ACAN: variants seen among roughly 807,000 people sequenced by gnomAD.
ACAN encodes aggrecan.
In ACAN, 47 loss-of-function variants were observed where a neutral mutation model predicts 169.1. That is an observed-to-expected ratio of 0.28 (90% CI 0.22 to 0.35). ACAN has a LOEUF of 0.35. Among genes scored for constraint, ACAN ranks in the 10% least tolerant of loss-of-function variants. The pLI, the probability that ACAN is intolerant of heterozygous loss-of-function variation, is 1.00. For synonymous variants in ACAN, 1,115 were observed against 1,112.2 expected (o/e 1.00, Z -0.05); for missense variants, 2,716 against 2,759.9 (o/e 0.98, Z 0.36).
In ACAN at chr15:88,849,756, A is replaced by T. The variant is rs1444796170; in HGVS notation, c.2026+25A>T. 6.2e-7 allele frequency: 1 copy of T among 1,610,740 alleles called. No homozygotes were observed. The highest frequency in any genetic ancestry group is 1.3e-5 in the African/African-American group (1 of 74,844). ...GGTATGCAGCCTCACTTCGGCTCCA[A>T]CAGCCCCTTTTGTCTGGAGAGGACC... On this transcript the variant is annotated intron_variant, in intron 10 of 18. Transcript: ENST00000560601. The surrounding 1 kb of genome is among the most constrained non-coding windows in gnomAD (Gnocchi z 5.1).
Position 88,843,727 on chromosome 15 carries a change from G to C in ACAN, c.1051+79G>C. On this transcript the variant is annotated intron_variant, in intron 6 of 18. Transcript: ENST00000560601. This position sits in a 1 kb window ranked among gnomAD's most constrained non-coding sequence, Gnocchi z 4.0. Reference sequence around the variant, plus strand: ...AGAGGGAAGAGGGGATCTTGGAAAGGGAGGGTTGGTTTTTGCCCTTGAAGG... The same window carrying C: ...AGAGGGAAGAGGGGATCTTGGAAAGCGAGGGTTGGTTTTTGCCCTTGAAGG... 1 of 1,492,812 alleles carries C rather than the reference G, an allele frequency of 6.7e-7. No individual in the cohort carries two copies. Among genetic ancestry groups the C allele is most frequent in the African/African-American group, 1.4e-5 (1 of 71,744 alleles). 92.5% of individuals were successfully genotyped at this position (1,492,812 alleles called of 1,614,324 possible). A position where few individuals can be genotyped will look rare whatever the true frequency, so the allele number is the denominator to read the frequency against.
At chr15:88,804,539 C>T (rs1895628100) in intron 1 of ACAN, among the ~76,000 whole-genome samples, 1 of 152,188 alleles carries the variant, frequency 6.6e-6, no homozygotes, top group South Asian at 2.1e-4. Flanking sequence ...GAGTTGAGGA[C>T]ACACGACCAC....
rs532890954 is a variant in ACAN at position 88,864,557 on chromosome 15, G to A, written c.6947-3659G>A. On this transcript the variant is annotated intron_variant, in intron 13 of 18. Transcript: ENST00000560601. ...TGGGATTACAAGTGTGAGCCACCGCGCTGGGCCTATATTTTTAATTTAATT... is the reference window on the plus strand; with the variant it reads ...TGGGATTACAAGTGTGAGCCACCGCACTGGGCCTATATTTTTAATTTAATT... 6.6e-5 allele frequency among the ~76,000 whole-genome samples: 10 copies of A among 152,290 alleles called. No individual in the cohort carries two copies. In the East Asian group the frequency reaches 1.2e-3, roughly 18 times the overall value.
chr15:88,855,507 T>C lies in ACAN; in HGVS notation c.2922T>C (p.Ser974=), dbSNP rs62023517. The C allele has an allele frequency of 4.7e-5, 75 of 1,605,052 alleles. No homozygotes were observed. The highest frequency in any genetic ancestry group is 2.3e-4 in the African/African-American group (17 of 73,604). ...ETSASGVGDL[S]GLPSGEVLET... is the part of the protein sequence containing the mutation. Reference sequence around the variant, plus strand: ...CTGCCTCTGGAGTAGGAGACCTCAGTGGGCTTCCTTCTGGAGAAGTTCTAG... The same window carrying C: ...CTGCCTCTGGAGTAGGAGACCTCAGCGGGCTTCCTTCTGGAGAAGTTCTAG... The change falls in exon 12 of 19, where the codon AGT becomes AGC. Residue 974 remains serine (S), a synonymous_variant. Coordinates refer to ENST00000560601, the MANE Select transcript of ACAN (RefSeq NM_001369268.1).
chr15:88,859,316 C>T lies in ACAN; in HGVS notation c.6731C>T (p.Ser2244Leu). 4 of 1,610,528 alleles carry T rather than the reference C, an allele frequency of 2.5e-6. No individual in the cohort carries two copies. The highest frequency in any genetic ancestry group is 3.4e-6 in the Non-Finnish European group (4 of 1,178,310). Residue 2244 changes from serine (S) to leucine (L), a missense_variant, in exon 12 of 19, where the codon TCA becomes TTA. Around this residue, in one of 3 missense-constraint regions of ACAN, gnomAD observed 1,389 missense variants for 1,363.7 expected, o/e 1.02. Coordinates refer to ENST00000560601, the MANE Select transcript of ACAN (RefSeq NM_001369268.1). ...LEIESSSLLY[S>L]GEETHTVETA... ...ATTGAGTCCTCAAGCCTCCTGTACT[C>T]AGGAGAAGAGACTCACACAGTCGAA...
chr15:88,852,020 A>AT lies in ACAN; in HGVS notation c.2254dup (p.Ser752PhefsTer28). 1 of 1,603,900 alleles carries AT rather than the reference A, an allele frequency of 6.2e-7. No individual in the cohort carries two copies. Among genetic ancestry groups the AT allele is most frequent in the Non-Finnish European group, 8.5e-7 (1 of 1,175,252 alleles). On this transcript the variant is annotated frameshift_variant, in exon 11 of 19. Coordinates refer to ENST00000560601, the MANE Select transcript of ACAN (RefSeq NM_001369268.1). LOFTEE classifies it high-confidence loss of function. ...AACCAGCCTATACCCCAGTGGGCAC[A>AT]TCCCCGCTGCCAGGTTGGTATGGCT...
At chr15:88,815,481 C>T (rs534627003) in intron 1 of ACAN, among the ~76,000 whole-genome samples, 2 of 151,100 alleles carry the variant, frequency 1.3e-5, no homozygotes, top group East Asian at 3.9e-4. Flanking sequence ...ATTGCTTGAA[C>T]CCAGGAGGAG....
In ACAN at chr15:88,857,337, G is replaced by T; in HGVS notation, c.4752G>T (p.Glu1584Asp). ...EGLETSASGA[E>D]DLSGLPSGKE... The stretch of plus-strand genomic sequence containing the variant: ...TAGAGACTTCAGCTTCTGGAGCTGA[G>T]GACCTCAGTGGGTTGCCTTCTGGAA... The change falls in exon 12 of 19, where the codon GAG (glutamate) becomes GAT (aspartate). Residue 1584 changes from glutamate to aspartate, a missense_variant. This residue lies in a region of ACAN where 1,389 missense variants were observed against 1,363.7 expected (regional missense o/e 1.02). Transcript: ENST00000560601. The T allele has an allele frequency of 6.2e-7, 1 of 1,613,950 alleles. No individual in the cohort carries two copies. Among genetic ancestry groups the T allele is most frequent in the South Asian group, 1.1e-5 (1 of 91,082 alleles).
At position 88,847,917 on chromosome 15, in the gene ACAN, C is replaced by T. The variant is rs1422238838; in HGVS notation, c.1611C>T (p.Pro537=). The change falls in exon 9 of 19, where the codon CCC becomes CCT. Residue 537 remains proline, a synonymous_variant. Coordinates refer to ENST00000560601, the MANE Select transcript of ACAN (RefSeq NM_001369268.1). ...CTCCCACTCTCCTTTGCAGATACCC[C>T]ATTGTGAGCCCCCGGACCCCATGCG... ...GWLRDQTVRY[P]IVSPRTPCVG... 1 of 1,613,764 alleles carries T rather than the reference C, an allele frequency of 6.2e-7. No individual in the cohort carries two copies. Among genetic ancestry groups the T allele is most frequent in the South Asian group, 1.1e-5 (1 of 91,032 alleles).
chr15:88,848,652 T>C (rs1197968172), intron 9 of ACAN, among the ~76,000 whole-genome samples: 1 of 152,252 alleles, frequency 6.6e-6, no homozygotes, highest in Non-Finnish European at 1.5e-5. Context: ...TTATTTTGTT[T>C]TATTTCATTT....
intron 1 of ACAN, among the ~76,000 whole-genome samples, chr15:88,826,631 T>C (rs1442962230): frequency 1.3e-5 from 2 of 152,096 alleles, no homozygotes; most frequent in African/African-American, 4.8e-5. Flanking sequence ...ACCGTGCGCA[T>C]ATTCCAGGCA....
chr15:88,814,386 T>G lies in ACAN; in HGVS notation c.-8+10577T>G, dbSNP rs1485886464. On this transcript the variant is annotated intron_variant, in intron 1 of 18. Transcript: ENST00000560601. This position sits in a 1 kb window ranked among gnomAD's most constrained non-coding sequence, Gnocchi z 4.0. ...CATGACTGCCTCCTCTTGCCCAAACTGAAGTTTCTCAGCTGCTTTTCTGCC... is the reference window on the plus strand; with the variant it reads ...CATGACTGCCTCCTCTTGCCCAAACGGAAGTTTCTCAGCTGCTTTTCTGCC... 6.6e-6 allele frequency among the ~76,000 whole-genome samples: 1 copy of G among 152,206 alleles called. No individual in the cohort carries two copies. The highest frequency in any genetic ancestry group is 2.4e-5 in the African/African-American group (1 of 41,458).
Position 88,857,785 on chromosome 15 carries a change from G to T in ACAN, c.5200G>T (p.Gly1734Cys), listed in dbSNP as rs1015342006. 7 of 1,613,852 alleles carry T rather than the reference G, an allele frequency of 4.3e-6. No individual in the cohort carries two copies. The highest frequency in any genetic ancestry group is 5.9e-6 in the Non-Finnish European group (7 of 1,179,910). Residue 1734 changes from glycine (G) to cysteine (C), a missense_variant, in exon 12 of 19, where the codon GGT becomes TGT. Physicochemically the swap from Gly to Cys is radical, Grantham distance 159. Coordinates refer to ENST00000560601, the MANE Select transcript of ACAN (RefSeq NM_001369268.1). The stretch of plus-strand genomic sequence containing the variant: ...CAGTGGGGAAATACCTGGACTCTTT[G>T]GTGTCAGTGGACAGCCATCAGGGTT... ...DVSGEIPGLF[G>C]VSGQPSGFPD...
In ACAN at chr15:88,841,858, G is replaced by A. The variant is rs1348825150; in HGVS notation, c.748G>A (p.Glu250Lys). The A allele has an allele frequency of 6.2e-6, 10 of 1,612,790 alleles. No individual in the cohort carries two copies. Among genetic ancestry groups the A allele is most frequent in the Non-Finnish European group, 8.5e-6 (10 of 1,179,506 alleles). Residue 250 changes from glutamate to lysine, a missense_variant, in exon 5 of 19, where the codon GAG (glutamate) becomes AAG (lysine). Physicochemically the swap from Glu to Lys is moderately conservative, Grantham distance 56 (BLOSUM62 1). Around this residue, in one of 3 missense-constraint regions of ACAN, gnomAD observed 1,283 missense variants for 1,281.5 expected, o/e 1.00. Transcript: ENST00000560601. ...CTATGATGTGTACTGCTTCGCCGAG[G>A]AGATGGAGGGTGAGCTGCCCTGCCC... Reference protein sequence around the residue: ...ETYDVYCFAEEMEGEVFYATS... With the variant: ...ETYDVYCFAEKMEGEVFYATS...
Position 88,838,682 on chromosome 15 carries a change from T to C in ACAN, c.90T>C (p.Ser30=). The C allele has an allele frequency of 6.3e-7, 1 of 1,589,708 alleles. No homozygotes were observed. The highest frequency in any genetic ancestry group is 8.6e-7 in the Non-Finnish European group (1 of 1,166,528). The change falls in exon 3 of 19, where the codon AGT becomes AGC. Residue 30 remains serine (S), a synonymous_variant. Transcript: ENST00000560601. This position sits in a 1 kb window ranked among gnomAD's most constrained non-coding sequence, Gnocchi z 5.1. Reference sequence around the variant, plus strand: ...ACACAGACCATGACAACTCGCTGAGTGTCAGCATCCCCCAACCGTCCCCGC... The same window carrying C: ...ACACAGACCATGACAACTCGCTGAGCGTCAGCATCCCCCAACCGTCCCCGC... ...VETSDHDNSL[S]VSIPQPSPLR...
chr15:88,836,271 C>T lies in ACAN; in HGVS notation c.65C>T (p.Thr22Ile). 1 of 1,613,386 alleles carries T rather than the reference C, an allele frequency of 6.2e-7. No individual in the cohort carries two copies. The highest frequency in any genetic ancestry group is 8.5e-7 in the Non-Finnish European group (1 of 1,179,474). Residue 22 changes from threonine to isoleucine, a missense_variant, in exon 2 of 19, where the codon ACT becomes ATT. Thr to Ile is a moderately conservative substitution (Grantham distance 89). This residue lies in a region of ACAN where 1,283 missense variants were observed against 1,281.5 expected (regional missense o/e 1.00). Transcript: ENST00000560601. The part of the protein sequence containing the change: ...RVITAAVTVE[T>I]SDHDNSLSVS... ...ATCACTGCAGCTGTCACTGTAGAAACTTCAGGTGAGGACATTCCTATACAT... is the reference window on the plus strand; with the variant it reads ...ATCACTGCAGCTGTCACTGTAGAAATTTCAGGTGAGGACATTCCTATACAT...
intron 7 of ACAN, among the ~76,000 whole-genome samples, chr15:88,847,025 G>A (rs575150921): frequency 3.6e-4 from 55 of 152,346 alleles, no homozygotes; most frequent in Middle Eastern, 3.4e-3. Flanking sequence ...GCCTTGTTCC[G>A]TAATGGCCTT....
Position 88,871,578 on chromosome 15 carries a change from TG to T in ACAN, c.7219+40del. The stretch of plus-strand genomic sequence containing the variant: ...GGGCCTCTGGAGCCTGAGAGGAGAG[TG>T]GCGGTGTAGGCAAAGGGCCTCACCT... On this transcript the variant is annotated intron_variant, in intron 15 of 18. Coordinates refer to ENST00000560601, the MANE Select transcript of ACAN (RefSeq NM_001369268.1). This position sits in a 1 kb window ranked among gnomAD's most constrained non-coding sequence, Gnocchi z 7.8. 3.8e-6 allele frequency: 6 copies of T among 1,579,684 alleles called. No individual in the cohort carries two copies. The highest frequency in any genetic ancestry group is 5.2e-6 in the Non-Finnish European group (6 of 1,163,452).
intron 1 of ACAN, among the ~76,000 whole-genome samples, chr15:88,816,667 G>A (rs1196780629): frequency 6.6e-6 from 1 of 152,144 alleles, no homozygotes; most frequent in Non-Finnish European, 1.5e-5. Context: ...ACTATGCTTA[G>A]AGAAAAGGCA....
Sources: gnomAD v4.1 joint callset for allele counts (sites outside exome capture counted in the v4.1 genomes callset) on GRCh38, gnomAD v4.1.1 for gene constraint, gnomAD v4.1.1 regional missense constraint, Gnocchi (gnomAD v3.1) non-coding constraint, MANE v1.5 for transcripts, NCBI Gene and HGNC (gene_info 2026-07-23, HGNC 2026-07-21) for gene names.